SCUBE2: variants seen among roughly 807,000 people sequenced by gnomAD.
SCUBE2 encodes the protein signal peptide, CUB and EGF-like domain-containing protein 2.
Under a neutral mutation model 125.9 loss-of-function variants are expected in SCUBE2, and 114 were observed. The observed-to-expected ratio is 0.91, with a 90% CI of 0.78 to 1.06. SCUBE2 has a LOEUF of 1.06. SCUBE2 is among the 50% of genes least tolerant of loss of function. The pLI is 0.00. For synonymous variants in SCUBE2, 459 were observed against 492.9 expected (o/e 0.93, Z 0.91); for missense variants, 1,255 against 1,301.8 (o/e 0.96, Z 0.55).
intron 22 of SCUBE2, 124 bp from the exon 23 acceptor site, chr11:9,021,321 T>C (rs1855275573): frequency 1.6e-5 from 11 of 671,898 alleles, no homozygotes; most frequent in Non-Finnish European, 2.4e-5. Context: ...CTTGCAAAAA[T>C]TGTTTCCTCT....
At chr11:9,078,104 C>CG (rs1564846689) in intron 3 of SCUBE2, among the ~76,000 whole-genome samples, 1 of 152,220 alleles carries the variant, frequency 6.6e-6, no homozygotes, top group Non-Finnish European at 1.5e-5. Flanking sequence ...AAAAAAAGAG[C>CG]AACCCATGTG....
At chr11:9,035,637 T>C (rs1856690355) in intron 16 of SCUBE2, among the ~76,000 whole-genome samples, 1 of 152,168 alleles carries the variant, frequency 6.6e-6, no homozygotes, top group Middle Eastern at 3.2e-3. Flanking sequence ...TGCATATATA[T>C]TCTTAGGGTT....
intron 3 of SCUBE2, among the ~76,000 whole-genome samples, chr11:9,078,303 ATG>A (rs1172903382): frequency 6.6e-6 from 1 of 152,192 alleles, no homozygotes; most frequent in Non-Finnish European, 1.5e-5. Context: ...AAGCCACGTG[ATG>A]TGTCACCCAA....
At chr11:9,063,965 C>T (rs1462804102) in intron 7 of SCUBE2, among the ~76,000 whole-genome samples, 1 of 152,212 alleles carries the variant, frequency 6.6e-6, no homozygotes, top group Non-Finnish European at 1.5e-5. Context: ...TAGCACGTTA[C>T]ATGACTCAGG....
rs1480048374 is a variant in SCUBE2 at position 9,025,726 on chromosome 11, G to A, written c.2830C>T (p.Gln944Ter). 7 of 1,614,168 alleles carry A rather than the reference G, an allele frequency of 4.3e-6. No individual in the cohort carries two copies. In the East Asian group the frequency reaches 8.9e-5, roughly 21 times the overall value. The change falls in exon 21 of 23, where the codon CAG becomes TAG. Residue 944 changes from glutamine (Q) to a stop codon, truncating the protein, a stop_gained. Transcript: ENST00000649792. LOFTEE classifies it high-confidence loss of function. Reference sequence around the variant, plus strand: ...CCATCATATGTCACGTATGGGACCTGGAACCCTCTAGCGCTGTTCCCTTCA... The same window carrying A: ...CCATCATATGTCACGTATGGGACCTAGAACCCTCTAGCGCTGTTCCCTTCA... ...SNEGNSARGFQVPYVTYDEDY... is the reference protein window; with the variant it reads ...SNEGNSARGF
chr11:9,059,537 T>G, intron 8 of SCUBE2, 112 bp from the exon 9 acceptor site: 1 of 1,308,508 alleles, frequency 7.6e-7, no homozygotes, highest in Non-Finnish European at 1.0e-6. Flanking sequence ...AGAAAAAGAC[T>G]CACAAAAGCA....
In SCUBE2 at chr11:9,059,409, C is replaced by A; in HGVS notation, c.984G>T (p.Gln328His). ...GKTCKDIDEC[Q>H]TRNGGCDHFC... ...AATGATCACAACCTCCATTGCGGGT[C>A]TGGCACTCATCAATATCTGCAACAG... Residue 328 changes from glutamine (Q) to histidine (H), a missense_variant, in exon 9 of 23, where the codon CAG (glutamine) becomes CAT (histidine). Coordinates refer to ENST00000649792, the MANE Select transcript of SCUBE2 (RefSeq NM_001367977.2). The A allele has an allele frequency of 6.2e-7, 1 of 1,614,170 alleles. No individual in the cohort carries two copies.
intron 17 of SCUBE2, among the ~76,000 whole-genome samples, 182 bp downstream of exon 17, chr11:9,033,444 G>T (rs1856490236): frequency 6.6e-6 from 1 of 152,138 alleles, no homozygotes; most frequent in Admixed American, 6.5e-5. Context: ...ATGAGTATCT[G>T]CCCAGCATGT....
intron 2 of SCUBE2, among the ~76,000 whole-genome samples, chr11:9,082,226 T>A (rs1190575993): frequency 2.0e-5 from 3 of 152,398 alleles, no homozygotes; most frequent in South Asian, 4.1e-4. Flanking sequence ...CTACCTATTC[T>A]GGATATTAAT....
chr11:9,023,889 C>T (rs150938853), intron 21 of SCUBE2, among the ~76,000 whole-genome samples: 62 of 152,260 alleles, frequency 4.1e-4, no homozygotes, highest in Non-Finnish European at 7.1e-4. Context: ...CAGTTCTCAC[C>T]GTTGTCCAGC....
At chr11:9,035,277 G>T (rs1005442732) in intron 16 of SCUBE2, among the ~76,000 whole-genome samples, 1 of 152,162 alleles carries the variant, frequency 6.6e-6, no homozygotes, top group Non-Finnish European at 1.5e-5. Flanking sequence ...CAGCCCTAAG[G>T]ATCTAGGTAC....
chr11:9,085,040 C>T (rs1404737518), intron 2 of SCUBE2, among the ~76,000 whole-genome samples: 1 of 152,180 alleles, frequency 6.6e-6, no homozygotes, highest in Non-Finnish European at 1.5e-5. Context: ...AGCCACTGCA[C>T]CTGGCCTCAT....
chr11:9,041,587 G>A (rs1218323686), intron 16 of SCUBE2, among the ~76,000 whole-genome samples: 1 of 152,246 alleles, frequency 6.6e-6, no homozygotes, highest in Non-Finnish European at 1.5e-5. Context: ...CTCATGAGGA[G>A]TGAGGAAAGG....
chr11:9,043,671 C>T (rs898206767), intron 16 of SCUBE2, among the ~76,000 whole-genome samples: 1 of 151,944 alleles, frequency 6.6e-6, no homozygotes, highest in East Asian at 1.9e-4. Context: ...TAATGCTATA[C>T]AAAGGACAAA....
chr11:9,059,312 A>T lies in SCUBE2; in HGVS notation c.1081T>A (p.Ser361Thr), dbSNP rs769774312. 6.2e-7 allele frequency: 1 copy of T among 1,614,110 alleles called. No homozygotes were observed. The highest frequency in any genetic ancestry group is 1.1e-5 in the South Asian group (1 of 91,074). The change falls in exon 9 of 23, where the codon TCT becomes ACT. Residue 361 changes from serine to threonine, a missense_variant. Coordinates refer to ENST00000649792, the MANE Select transcript of SCUBE2 (RefSeq NM_001367977.2). ...TGTTTTCAGCACATACCTTGGCAAG[A>T]CTTCTCATCTGTTAATAATTTAAAT... Reference protein sequence around the residue: ...KGFKLLTDEKSCQDVDECSLD... With the variant: ...KGFKLLTDEKTCQDVDECSLD...
chr11:9,047,827 A>C, intron 15 of SCUBE2, 116 bp downstream of exon 15: 1 of 1,262,446 alleles, frequency 7.9e-7, no homozygotes, highest in Non-Finnish European at 1.1e-6. Flanking sequence ...GAAAAAAAAC[A>C]GGAGATACTT....
rs1285813622 is a variant in SCUBE2, at chr11:9,053,102, A to C, written c.1444T>G (p.Ser482Ala). The C allele has an allele frequency of 6.2e-7, 1 of 1,612,202 alleles. No individual in the cohort carries two copies. The highest frequency in any genetic ancestry group is 8.5e-7 in the Non-Finnish European group (1 of 1,178,414). Residue 482 changes from serine to alanine, a missense_variant, in exon 12 of 23, where the codon TCA (serine) becomes GCA (alanine). Ser to Ala is a moderately conservative substitution (Grantham distance 99). This residue lies in a region of SCUBE2 where 378 missense variants were observed against 463.1 expected (regional missense o/e 0.82). Coordinates refer to ENST00000649792, the MANE Select transcript of SCUBE2 (RefSeq NM_001367977.2). The stretch of plus-strand genomic sequence containing the variant: ...CCGGGAACTGGGCCCCACTCACCTG[A>C]AGAGAGGTGAATGCCAGAGTGACAT... ...LRCHSGIHLS[S>A]GLQGAYSVTC...
At chr11:9,023,389 A>G (rs764171301) in intron 21 of SCUBE2, among the ~76,000 whole-genome samples, 35 of 152,214 alleles carry the variant, frequency 2.3e-4, no homozygotes, top group Non-Finnish European at 4.7e-4. Context: ...GTGAATATAA[A>G]ATATGAGAAT....
rs1341470490 is a variant in SCUBE2 at position 9,019,645 on chromosome 11, C to A, written c.*1400G>T. Among the ~76,000 whole-genome samples the A allele has an allele frequency of 6.6e-6, 1 of 151,986 alleles. No homozygotes were observed. Among genetic ancestry groups the A allele is most frequent in the Non-Finnish European group, 1.5e-5 (1 of 68,006 alleles). On this transcript the variant is annotated 3_prime_UTR_variant, in exon 23 of 23. Transcript: ENST00000649792. ...GTTATTAACAGGTTAAAAAAAGCAA[C>A]ACTGAGATGAAAAGCAAGTTTAACC... is the stretch of plus-strand genomic sequence containing the variant.
Sources: allele counts gnomAD v4.1 joint callset (sites outside exome capture counted in the v4.1 genomes callset), GRCh38; gene constraint gnomAD v4.1.1; regional missense constraint gnomAD v4.1.1; transcripts MANE v1.5; gene names NCBI Gene and HGNC (gene_info 2026-07-23, HGNC 2026-07-21).